The following FLOT1 variants were observed in gnomAD, a reference collection of about 807,000 sequenced individuals.
The protein encoded by FLOT1 is flotillin 1.
In FLOT1, 40 loss-of-function variants were observed where a neutral mutation model predicts 58.4. The ratio of observed to expected loss-of-function variants is 0.69; its 90% confidence interval spans 0.53 to 0.89. FLOT1 has a LOEUF of 0.89. Among genes scored for constraint, FLOT1 ranks in the 40% least tolerant of loss-of-function variants. The probability of loss-of-function intolerance (pLI) is 0.00; values close to 1 mark genes in which losing one functional copy is unlikely to be tolerated. For missense variants in FLOT1, 423 were observed against 540.8 expected (o/e 0.78, Z 2.16); for synonymous variants, 178 against 204.2 (o/e 0.87, Z 1.09).
chr6:30,730,872 G>T, intron 9 of FLOT1, 47 bp downstream of exon 9: 1 of 1,601,204 alleles, frequency 6.2e-7, no homozygotes, highest in Non-Finnish European at 8.5e-7. Flanking sequence ...ATCTTGGGGT[G>T]CCTAGGTGGC....
In FLOT1 at chr6:30,740,179, A is replaced by G. The variant is rs1777865155; in HGVS notation, c.702T>C (p.Ala234=). The part of the protein sequence containing the change: ...DIEVNTRRAQ[A]DLAYQLQVAK... Reference sequence around the variant, plus strand: ...TGACCTGAAGCTGATAGGCCAGGTCAGCCTGTGCTCGGCGGGTGTTGACCT... The same window carrying G: ...TGACCTGAAGCTGATAGGCCAGGTCGGCCTGTGCTCGGCGGGTGTTGACCT... The change falls in exon 8 of 13, where the codon GCT becomes GCC. Residue 234 remains alanine, a synonymous_variant. Coordinates refer to ENST00000376389, the MANE Select transcript of FLOT1 (RefSeq NM_005803.4). 2 of 1,612,960 alleles carry G rather than the reference A, an allele frequency of 1.2e-6. No individual in the cohort carries two copies. Among genetic ancestry groups the G allele is most frequent in the Non-Finnish European group, 1.7e-6 (2 of 1,180,030 alleles).
intron 8 of FLOT1, among the ~76,000 whole-genome samples, chr6:30,732,777 A>T (rs1052760179): frequency 6.6e-6 from 1 of 152,110 alleles, no homozygotes; most frequent in African/African-American, 2.4e-5. Flanking sequence ...TGTTCACTCC[A>T]GAGAGAAGCA....
chr6:30,730,802 G>T, intron 9 of FLOT1, 75 bp from the exon 10 acceptor site: 1 of 1,606,030 alleles, frequency 6.2e-7, no homozygotes, highest in Non-Finnish European at 8.5e-7. Context: ...TGCTGCAGAG[G>T]CAGACGCTCC....
At position 30,730,524 on chromosome 6, in the gene FLOT1, G is replaced by C; in HGVS notation, c.993C>G (p.Ala331=). 2 of 1,611,434 alleles carry C rather than the reference G, an allele frequency of 1.2e-6. No individual in the cohort carries two copies. Among genetic ancestry groups the C allele is most frequent in the Non-Finnish European group, 1.7e-6 (2 of 1,177,930 alleles). Reference sequence around the variant, plus strand: ...TGGCCATCTGCTCAGCCTCGGCTCGGGCTCGGGCCCCTATGGCAAAGGCCT... The same window carrying C: ...TGGCCATCTGCTCAGCCTCGGCTCGCGCTCGGGCCCCTATGGCAAAGGCCT... ...EAEAFAIGAR[A]RAEAEQMAKK... is the part of the protein sequence containing the mutation. The change falls in exon 11 of 13, where the codon GCC becomes GCG. Residue 331 remains alanine, a synonymous_variant. Coordinates refer to ENST00000376389, the MANE Select transcript of FLOT1 (RefSeq NM_005803.4).
rs765947403 is a variant in FLOT1 at position 30,737,523 on chromosome 6, G to A, written c.723+2635C>T. Among the ~76,000 whole-genome samples the A allele has an allele frequency of 5.3e-5, 8 of 152,130 alleles. No individual in the cohort carries two copies. Among genetic ancestry groups the A allele is most frequent in the Non-Finnish European group, 7.3e-5 (5 of 68,034 alleles). On this transcript the variant is annotated intron_variant, in intron 8 of 12. Transcript: ENST00000376389. The surrounding 1 kb of genome is among the most constrained non-coding windows in gnomAD (Gnocchi z 4.4). ...TCTTCCTGTCTCAGCCTCTCAAAGT[G>A]TTGGGATTACAGGCATGAACCACCG... is the stretch of plus-strand genomic sequence containing the variant.
intron 8 of FLOT1, 26 bp downstream of exon 8, chr6:30,740,130 CAG>C (rs768073330): frequency 1.2e-6 from 2 of 1,609,606 alleles, no homozygotes. Context: ...GGGGAAGGGG[CAG>C]AGAGTGGCCT....
chr6:30,740,834 G>GGTT, intron 5 of FLOT1, 36 bp from the exon 6 acceptor site: 1 of 1,314,028 alleles, frequency 7.6e-7, no homozygotes, highest in Non-Finnish European at 9.9e-7. Context: ...AGGGATGTAA[G>GGTT]TTTTTTTTTT....
At position 30,741,935 on chromosome 6, in the gene FLOT1, G is replaced by T; in HGVS notation, c.44-68C>A. On this transcript the variant is annotated intron_variant, in intron 2 of 12. Transcript: ENST00000376389. The surrounding 1 kb of genome is among the most constrained non-coding windows in gnomAD (Gnocchi z 5.9). ...TGTGGAAGACTGAGGAACTGGCGGG[G>T]GTGAGGGGACAGCAACCCACAGGAG... The T allele has an allele frequency of 6.8e-7, 1 of 1,464,234 alleles. No individual in the cohort carries two copies. The highest frequency in any genetic ancestry group is 9.5e-7 in the Non-Finnish European group (1 of 1,049,472). 90.7% of individuals were successfully genotyped at this position (1,464,234 alleles called of 1,614,324 possible).
chr6:30,740,580 G>A lies in FLOT1; in HGVS notation c.486C>T (p.His162=), dbSNP rs987974020. Residue 162 remains histidine, a synonymous_variant, in exon 7 of 13, where the codon CAC becomes CAT. Coordinates refer to ENST00000376389, the MANE Select transcript of FLOT1 (RefSeq NM_005803.4). ...KDIHDDQDYL[H]SLGKARTAQV... is the part of the protein sequence containing the mutation. Reference sequence around the variant, plus strand: ...GAGCTGTTCGAGCCTTCCCCAAAGAGTGCAAATAGTCCTGTGGGAGAGATG... The same window carrying A: ...GAGCTGTTCGAGCCTTCCCCAAAGAATGCAAATAGTCCTGTGGGAGAGATG... 4 of 1,612,908 alleles carry A rather than the reference G, an allele frequency of 2.5e-6. No homozygotes were observed. The highest frequency in any genetic ancestry group is 3.4e-6 in the Non-Finnish European group (4 of 1,180,036).
chr6:30,728,807 A>C (rs1394014008), intron 12 of FLOT1, among the ~76,000 whole-genome samples: 3 of 150,366 alleles, frequency 2.0e-5, no homozygotes, highest in African/African-American at 4.9e-5. Context: ...TTTGAGACAG[A>C]GTCTTGCTCT....
intron 8 of FLOT1, among the ~76,000 whole-genome samples, chr6:30,732,514 G>A (rs534352365): frequency 1.3e-4 from 19 of 151,980 alleles, no homozygotes; most frequent in African/African-American, 4.1e-4. Flanking sequence ...CAGCACACCC[G>A]GCTATTTTTT....
At chr6:30,735,521 T>C (rs938257549) in intron 8 of FLOT1, among the ~76,000 whole-genome samples, 2 of 151,484 alleles carry the variant, frequency 1.3e-5, no homozygotes, top group Admixed American at 6.6e-5. Context: ...TGAGGATTAC[T>C]TGGGAGGGTG....
In FLOT1 at chr6:30,730,068, C is replaced by A. The variant is rs1345693189; in HGVS notation, c.1208G>T (p.Arg403Leu). 4 of 1,612,986 alleles carry A rather than the reference C, an allele frequency of 2.5e-6. No homozygotes were observed. The highest frequency in any genetic ancestry group is 3.4e-6 in the Non-Finnish European group (4 of 1,180,004). The change falls in exon 12 of 13, where the codon CGC becomes CTC. Residue 403 changes from arginine (R) to leucine (L), a missense_variant. Around this residue, in one of 6 missense-constraint regions of FLOT1, gnomAD observed 44 missense variants for 40.3 expected, o/e 1.09. Coordinates refer to ENST00000376389, the MANE Select transcript of FLOT1 (RefSeq NM_005803.4). ...GAGTCTTTCCACACTCTCTGGCAGG[C>A]GAGTTAGAATGTCCAGTACTTCCCC... ...VTGEVLDILT[R>L]LPESVERLTG...
rs772054352 is a variant in FLOT1, at chr6:30,741,592, G to A, written c.210+22C>T. 95 of 1,573,878 alleles carry A rather than the reference G, an allele frequency of 6.0e-5. No homozygotes were observed. Among genetic ancestry groups the A allele is most frequent in the Non-Finnish European group, 6.4e-5 (73 of 1,144,738 alleles). On this transcript the variant is annotated intron_variant, in intron 4 of 12. Coordinates refer to ENST00000376389, the MANE Select transcript of FLOT1 (RefSeq NM_005803.4). The surrounding 1 kb of genome is among the most constrained non-coding windows in gnomAD (Gnocchi z 5.9). Reference sequence around the variant, plus strand: ...GGGTGATGGGGAAGTGGACTGTGGGGAAAAGGCTCTGAAAGCTTCACCTGG... The same window carrying A: ...GGGTGATGGGGAAGTGGACTGTGGGAAAAAGGCTCTGAAAGCTTCACCTGG...
In FLOT1 at chr6:30,741,780, C is replaced by T; in HGVS notation, c.119+12G>A. 2 of 1,612,866 alleles carry T rather than the reference C, an allele frequency of 1.2e-6. No individual in the cohort carries two copies. The highest frequency in any genetic ancestry group is 3.3e-4 in the Middle Eastern group (2 of 6,056). ...ACGGAGGTCCCCCTTCCCTGGTTCC[C>T]TTCTTGCCTACCTCTGGATCTGTTG... On this transcript the variant is annotated intron_variant, in intron 3 of 12. Transcript: ENST00000376389. The surrounding 1 kb of genome is among the most constrained non-coding windows in gnomAD (Gnocchi z 5.9).
Position 30,741,385 on chromosome 6 carries a change from G to C in FLOT1, c.211-52C>G, listed in dbSNP as rs557769726. ...GTGTGGTGGGGGTCTCATGAAGTCA[G>C]AGAAAAAGCAGAGAGAGAAGGGAGA... On this transcript the variant is annotated intron_variant, in intron 4 of 12. Transcript: ENST00000376389. The surrounding 1 kb of genome is among the most constrained non-coding windows in gnomAD (Gnocchi z 5.9). The C allele has an allele frequency of 3.7e-6, 6 of 1,605,344 alleles. No individual in the cohort carries two copies. In the Admixed American group the frequency reaches 1.0e-4, roughly 27 times the overall value.
In FLOT1 at chr6:30,740,492, T is replaced by G; in HGVS notation, c.570+4A>C. The G allele has an allele frequency of 6.2e-7, 1 of 1,612,196 alleles. No homozygotes were observed. The highest frequency in any genetic ancestry group is 8.5e-7 in the Non-Finnish European group (1 of 1,179,790). On this transcript the variant is annotated splice_donor_region_variant and intron_variant, in intron 7 of 12. Transcript: ENST00000376389. Reference sequence around the variant, plus strand: ...TCCCACTAAGCAACCCCCATCTCTCTCACCCGGATCCCAGCATCTCTCTTG... The same window carrying G: ...TCCCACTAAGCAACCCCCATCTCTCGCACCCGGATCCCAGCATCTCTCTTG...
chr6:30,732,885 C>T (rs1018704089), intron 8 of FLOT1, among the ~76,000 whole-genome samples: 4 of 152,182 alleles, frequency 2.6e-5, no homozygotes, highest in South Asian at 2.1e-4. Flanking sequence ...TGCAGGATCA[C>T]CTCTCTCCTG....
rs145489088 is a variant in FLOT1, at chr6:30,732,289, C to T, written c.724-1189G>A. On this transcript the variant is annotated intron_variant, in intron 8 of 12. Coordinates refer to ENST00000376389, the MANE Select transcript of FLOT1 (RefSeq NM_005803.4). ...CAGCCTAGATTTCATCTTCTTATTC[C>T]TTGCAGTGTGAGGGAATCAGAAGGC... Among the ~76,000 whole-genome samples, 261 of 152,114 alleles carry T rather than the reference C, an allele frequency of 1.7e-3. 7 individuals are homozygous for T. The South Asian group carries it at 0.044, about 26-fold the overall frequency.
Sources: gnomAD v4.1 joint callset for allele counts (sites outside exome capture counted in the v4.1 genomes callset) on GRCh38, gnomAD v4.1.1 for gene constraint, gnomAD v4.1.1 regional missense constraint, Gnocchi (gnomAD v3.1) non-coding constraint, MANE v1.5 for transcripts, NCBI Gene and HGNC (gene_info 2026-07-23, HGNC 2026-07-21) for gene names.